INVS: variants seen among roughly 807,000 people sequenced by gnomAD.
INVS encodes the protein inversin.
In INVS, 86 loss-of-function variants were observed where a neutral mutation model predicts 108.8. That is an observed-to-expected ratio of 0.79 (90% CI 0.66 to 0.95). The LOEUF is 0.95. Among genes scored for constraint, INVS ranks in the 40% least tolerant of loss-of-function variants. The pLI, the probability that INVS is intolerant of heterozygous loss-of-function variation, is 0.00. For missense variants in INVS, 1,169 were observed against 1,297.4 expected (o/e 0.90, Z 1.52); for synonymous variants, 455 against 473.5 (o/e 0.96, Z 0.51).
intron 2 of INVS, among the ~76,000 whole-genome samples, chr9:100,105,211 A>T (rs1393450092): frequency 6.6e-6 from 1 of 152,226 alleles, no homozygotes; most frequent in Non-Finnish European, 1.5e-5. Flanking sequence ...AGAAAAAAAT[A>T]AAAATATATT....
At chr9:100,297,272 AT>A in intron 15 of INVS, 126 bp downstream of exon 15, 1 of 800,374 alleles carries the variant, frequency 1.2e-6, no homozygotes. Flanking sequence ...TGCAAAATTA[AT>A]TGTATTATTA....
chr9:100,268,166 G>C (rs950402160), intron 11 of INVS, among the ~76,000 whole-genome samples: 55 of 152,218 alleles, frequency 3.6e-4, no homozygotes, highest in African/African-American at 9.9e-4. Context: ...ACAGAGTAGG[G>C]CGTTCCCGAA....
chr9:100,296,808 T>C, intron 14 of INVS, 109 bp from the exon 15 acceptor site: 1 of 862,932 alleles, frequency 1.2e-6, no homozygotes, highest in Non-Finnish European at 1.9e-6. Context: ...TGAATGAACC[T>C]ACCAGGAATT....
chr9:100,143,802 GGGAAACA>G (rs1272036969), intron 3 of INVS, among the ~76,000 whole-genome samples: 1 of 152,166 alleles, frequency 6.6e-6, no homozygotes, highest in Non-Finnish European at 1.5e-5. Context: ...ATGGAGGCAA[GGGAAACA>G]GGCCCTTGAA....
intron 1 of INVS, among the ~76,000 whole-genome samples, chr9:100,100,796 A>AT (rs1826874389): frequency 7.4e-4 from 4 of 5,424 alleles, no homozygotes; most frequent in African/African-American, 1.6e-3. Context: ...TTATATATAT[A>AT]ATATATGTAT....
At chr9:100,149,253 G>A (rs1301321786) in intron 3 of INVS, among the ~76,000 whole-genome samples, 1 of 152,140 alleles carries the variant, frequency 6.6e-6, no homozygotes, top group Non-Finnish European at 1.5e-5. Context: ...TAGTTTATGA[G>A]TTTTTGACTG....
chr9:100,125,795 C>T (rs1827865867), intron 2 of INVS, among the ~76,000 whole-genome samples: 1 of 151,400 alleles, frequency 6.6e-6, no homozygotes, highest in South Asian at 2.1e-4. Context: ...AAGCAATTCT[C>T]CTGCCTCAAC....
At chr9:100,299,555 AACACACACAC>A (rs55800849) in intron 16 of INVS, among the ~76,000 whole-genome samples, 15 of 125,738 alleles carry the variant, frequency 1.2e-4, no homozygotes, top group South Asian at 2.5e-4. Context: ...ATTGACACAC[AACACACACAC>A]ACACACACAC....
chr9:100,100,981 ATAAT>A (rs1275714365), intron 1 of INVS, among the ~76,000 whole-genome samples: 13 of 77,076 alleles, frequency 1.7e-4, no homozygotes, highest in Non-Finnish European at 2.2e-4. Flanking sequence ...TATTATATAT[ATAAT>A]ATATATGTAT....
chr9:100,175,212 C>A, intron 3 of INVS: 1 of 555,010 alleles, frequency 1.8e-6, no homozygotes. Context: ...CAAAACCTGC[C>A]TTGCTCTGAA....
Position 100,300,482 on chromosome 9 carries a change from A to C in INVS, c.3092-86A>C. The C allele has an allele frequency of 6.4e-6, 6 of 943,286 alleles. No homozygotes were observed. The South Asian group carries it at 8.1e-5, about 13-fold the overall frequency. The allele number at this position is 943,286 out of a possible 1,614,324, so 58.4% of individuals were successfully genotyped here. On this transcript the variant is annotated intron_variant, in intron 16 of 16. Transcript: ENST00000262457. ...CATCCCAGGGATAGCCTAAACCGAA[A>C]TCCTTCTTCCTCAACACCAATGAAC...
intron 3 of INVS, among the ~76,000 whole-genome samples, chr9:100,133,103 T>C (rs1828103305): frequency 6.6e-6 from 1 of 152,008 alleles, no homozygotes; most frequent in South Asian, 2.1e-4. Context: ...AGACTCCATC[T>C]CAAAAAAACA....
At chr9:100,168,514 A>G (rs1829437104) in intron 3 of INVS, among the ~76,000 whole-genome samples, 1 of 152,168 alleles carries the variant, frequency 6.6e-6, no homozygotes, top group Non-Finnish European at 1.5e-5. Flanking sequence ...TGTTAGCTGC[A>G]GTGACAAATA....
In INVS at chr9:100,231,018, T is replaced by C. The variant is rs193299988; in HGVS notation, c.615+1191T>C. 1.7e-4 allele frequency among the ~76,000 whole-genome samples: 26 copies of C among 152,364 alleles called. No individual in the cohort carries two copies. In the East Asian group the frequency reaches 3.1e-3, roughly 18 times the overall value. ...AGGATATATATTTAACTGGTTGTTA[T>C]AGGTGTATAGGAATGCAGTTGATAT... is the stretch of plus-strand genomic sequence containing the variant. On this transcript the variant is annotated intron_variant, in intron 5 of 16. Coordinates refer to ENST00000262457, the MANE Select transcript of INVS (RefSeq NM_014425.5).
rs60607451 is a variant in INVS at position 100,225,908 on chromosome 9, T to TATCTC, written c.274-153_274-152insTCTCA. Among the ~76,000 whole-genome samples, 26,821 of 151,938 alleles carry TATCTC rather than the reference T, an allele frequency of 0.18. 3,589 individuals are homozygous for TATCTC. The highest frequency in any genetic ancestry group is 0.38 in the African/African-American group (15,818 of 41,338). ...AAACATGAAAAAATAAAACAATTGA[T>TATCTC]AGTATAGTGGAATTACAAGCATTTT... is the stretch of plus-strand genomic sequence containing the variant. On this transcript the variant is annotated intron_variant, in intron 3 of 16. Coordinates refer to ENST00000262457, the MANE Select transcript of INVS (RefSeq NM_014425.5).
In INVS at chr9:100,291,661, T is replaced by C. The variant is rs139292248; in HGVS notation, c.2069-665T>C. On this transcript the variant is annotated intron_variant, in intron 13 of 16. Coordinates refer to ENST00000262457, the MANE Select transcript of INVS (RefSeq NM_014425.5). ...ATCTCCATCCTAAGACCAGTTTTTA[T>C]AGTAATATCTCCTATGGATTGAGAA... Among the ~76,000 whole-genome samples the C allele has an allele frequency of 7.9e-5, 12 of 152,336 alleles. No individual in the cohort carries two copies. The East Asian group carries it at 2.1e-3, about 27-fold the overall frequency.
At chr9:100,214,431 TAA>T (rs1446085517) in intron 3 of INVS, among the ~76,000 whole-genome samples, 1 of 152,268 alleles carries the variant, frequency 6.6e-6, no homozygotes, top group East Asian at 1.9e-4. Flanking sequence ...GAGGCTGAAA[TAA>T]AGAGTCACTT....
At position 100,284,426 on chromosome 9, in the gene INVS, G is replaced by A. The variant is rs1833369622; in HGVS notation, c.1891G>A (p.Asp631Asn). The change falls in exon 13 of 17, where the codon GAT becomes AAT. Residue 631 changes from aspartate (D) to asparagine (N), a missense_variant. Transcript: ENST00000262457. ...QALPCLPSTQ[D>N]VPSRQSRAPS... ...CCTTCCCTGTCTGCCTAGCACCCAGGATGTGCCCAGCAGGCAGAGCCGGGC... is the reference window on the plus strand; with the variant it reads ...CCTTCCCTGTCTGCCTAGCACCCAGAATGTGCCCAGCAGGCAGAGCCGGGC... The A allele has an allele frequency of 6.2e-7, 1 of 1,614,166 alleles. No individual in the cohort carries two copies. Among genetic ancestry groups the A allele is most frequent in the Non-Finnish European group, 8.5e-7 (1 of 1,180,042 alleles).
rs1832339870 is a variant in INVS, at chr9:100,254,221, G to A, written c.1464+1085G>A. Among the ~76,000 whole-genome samples the A allele has an allele frequency of 3.9e-5, 6 of 152,182 alleles. No homozygotes were observed. In the South Asian group the frequency reaches 1.2e-3, roughly 32 times the overall value. Reference sequence around the variant, plus strand: ...TGGCTGTATAAATGTCTTCTTTAGAGAAGTGTCTGTTCATGTCCTTCGCCC... The same window carrying A: ...TGGCTGTATAAATGTCTTCTTTAGAAAAGTGTCTGTTCATGTCCTTCGCCC... On this transcript the variant is annotated intron_variant, in intron 10 of 16. Transcript: ENST00000262457.
Sources: allele counts gnomAD v4.1 joint callset (sites outside exome capture counted in the v4.1 genomes callset), GRCh38; gene constraint gnomAD v4.1.1; transcripts MANE v1.5; gene names NCBI Gene and HGNC (gene_info 2026-07-23, HGNC 2026-07-21).